The following TRPV4 variants were observed in gnomAD, a reference collection of about 807,000 sequenced individuals.
TRPV4 encodes transient receptor potential cation channel subfamily V member 4.
In TRPV4, 58 loss-of-function variants were observed where a neutral mutation model predicts 84.1. That is an observed-to-expected ratio of 0.69 (90% CI 0.56 to 0.86). The LOEUF is 0.86. Ranked by LOEUF, TRPV4 falls within the 40% of genes least tolerant of loss-of-function variation. The pLI, the probability that TRPV4 is intolerant of heterozygous loss-of-function variation, is 0.00. For synonymous variants in TRPV4, 489 were observed against 500.9 expected, an observed-to-expected ratio of 0.98 and a Z score of 0.32; for missense variants, 879 against 1,181.1, an observed-to-expected ratio of 0.74 and a Z score of 3.75.
In TRPV4 at chr12:109,817,999, C is replaced by A. The variant is rs574569590; in HGVS notation, c.-31-3172G>T. On this transcript the variant is annotated intron_variant, in intron 1 of 15. Coordinates refer to ENST00000261740, the MANE Select transcript of TRPV4 (RefSeq NM_021625.5). ...ACATCTGCCCTGGAAGTAGGTACTG[C>A]GATCGTTCCCATTCTACAGATGAGG... is the stretch of plus-strand genomic sequence containing the variant. 8.3e-4 allele frequency among the ~76,000 whole-genome samples: 127 copies of A among 152,240 alleles called. 1 individual carries two copies. The Middle Eastern group carries it at 0.01, about 12-fold the overall frequency.
chr12:109,815,680 G>C lies in TRPV4; in HGVS notation c.-31-853C>G, dbSNP rs555911661. Among the ~76,000 whole-genome samples, 4 of 152,342 alleles carry C rather than the reference G, an allele frequency of 2.6e-5. No homozygotes were observed. The South Asian group carries it at 8.3e-4, about 32-fold the overall frequency. On this transcript the variant is annotated intron_variant, in intron 1 of 15. Coordinates refer to ENST00000261740, the MANE Select transcript of TRPV4 (RefSeq NM_021625.5). This position sits in a 1 kb window ranked among gnomAD's most constrained non-coding sequence, Gnocchi z 4.1. ...TCCTCTCCTCAGAAGCTTTATCCCAGCTGTTCACGGGATGGTTCGTTCCCA... is the reference window on the plus strand; with the variant it reads ...TCCTCTCCTCAGAAGCTTTATCCCACCTGTTCACGGGATGGTTCGTTCCCA...
Position 109,808,282 on chromosome 12 carries a change from T to C in TRPV4, c.559+14A>G. The C allele has an allele frequency of 1.2e-6, 2 of 1,613,966 alleles. No individual in the cohort carries two copies. Among genetic ancestry groups the C allele is most frequent in the Non-Finnish European group, 1.7e-6 (2 of 1,179,952 alleles). On this transcript the variant is annotated intron_variant, in intron 3 of 15. Coordinates refer to ENST00000261740, the MANE Select transcript of TRPV4 (RefSeq NM_021625.5). ...CTGGCTGTCCCACTGGCTATGCCCA[T>C]CTGGGTGGCTCACCTCGAAACTCCT...
chr12:109,815,299 A>C lies in TRPV4; in HGVS notation c.-31-472T>G, dbSNP rs1486090166. On this transcript the variant is annotated intron_variant, in intron 1 of 15. Coordinates refer to ENST00000261740, the MANE Select transcript of TRPV4 (RefSeq NM_021625.5). This position sits in a 1 kb window ranked among gnomAD's most constrained non-coding sequence, Gnocchi z 4.1. The stretch of plus-strand genomic sequence containing the variant: ...GCCTCATGGACAGAACATGCAGTCC[A>C]GTGGCCAGTGCAGTGCAGTGCCTGG... 6.6e-6 allele frequency among the ~76,000 whole-genome samples: 1 copy of C among 152,268 alleles called. No homozygotes were observed. Among genetic ancestry groups the C allele is most frequent in the African/African-American group, 2.4e-5 (1 of 41,468 alleles).
chr12:109,819,747 C>CA (rs1892017549), intron 1 of TRPV4, among the ~76,000 whole-genome samples: 1 of 152,104 alleles, frequency 6.6e-6, no homozygotes, highest in Non-Finnish European at 1.5e-5. Context: ...ATTTTTAGTA[C>CA]AGACGGGGTT....
rs1889698321 is a variant in TRPV4 at position 109,786,623 on chromosome 12, T to C, written c.2336+87A>G. 2 of 1,557,750 alleles carry C rather than the reference T, an allele frequency of 1.3e-6. No homozygotes were observed. Among genetic ancestry groups the C allele is most frequent in the Non-Finnish European group, 1.7e-6 (2 of 1,144,784 alleles). ...GCCTCAGTGGCTCCAGAAATTGCAA[T>C]GGGTAGACGACGCTGGAGCAGCAGG... On this transcript the variant is annotated intron_variant, in intron 14 of 15. Coordinates refer to ENST00000261740, the MANE Select transcript of TRPV4 (RefSeq NM_021625.5). The surrounding 1 kb of genome is among the most constrained non-coding windows in gnomAD (Gnocchi z 4.5).
rs937611407 is a variant in TRPV4, at chr12:109,783,336, G to A, written c.*285C>T. ...GGGGTCACGTCGCTTCCTGAGAGCA[G>A]AGCAAATAAATAATGGAGAGGCAGG... On this transcript the variant is annotated 3_prime_UTR_variant, in exon 16 of 16. Coordinates refer to ENST00000261740, the MANE Select transcript of TRPV4 (RefSeq NM_021625.5). This position sits in a 1 kb window ranked among gnomAD's most constrained non-coding sequence, Gnocchi z 4.6. 1.6e-4 allele frequency: 69 copies of A among 425,248 alleles called. No individual in the cohort carries two copies. The highest frequency in any genetic ancestry group is 1.7e-4 in the Non-Finnish European group (41 of 237,712). 26.3% of individuals were successfully genotyped at this position (425,248 alleles called of 1,614,324 possible). A position where few individuals can be genotyped will look rare whatever the true frequency, so the allele number is the denominator to read the frequency against.
chr12:109,824,159 T>C (rs1892187450), intron 1 of TRPV4, among the ~76,000 whole-genome samples: 1 of 151,804 alleles, frequency 6.6e-6, no homozygotes, highest in East Asian at 2.0e-4. Flanking sequence ...GAGACGGGGT[T>C]TCACCATGTT....
rs1890496429 is a variant in TRPV4 at position 109,797,728 on chromosome 12, G to A, written c.1152+886C>T. Among the ~76,000 whole-genome samples, 3 of 151,954 alleles carry A rather than the reference G, an allele frequency of 2.0e-5. No homozygotes were observed. The South Asian group carries it at 6.3e-4, about 32-fold the overall frequency. ...TTTATTTTGGTTTTTATTTATTTGG[G>A]ATCTCAAATAATCCAGGCTGGACTT... On this transcript the variant is annotated intron_variant, in intron 6 of 15. Coordinates refer to ENST00000261740, the MANE Select transcript of TRPV4 (RefSeq NM_021625.5).
intron 4 of TRPV4, among the ~76,000 whole-genome samples, chr12:109,801,397 T>G (rs1043395257): frequency 6.6e-6 from 1 of 152,230 alleles, no homozygotes; most frequent in African/African-American, 2.4e-5. Flanking sequence ...GCTGTTTTCA[T>G]GATAGTGAGT....
intron 1 of TRPV4, among the ~76,000 whole-genome samples, chr12:109,825,533 T>C (rs1892227634): frequency 6.6e-6 from 1 of 152,110 alleles, no homozygotes; most frequent in Non-Finnish European, 1.5e-5. Context: ...AGGTCAGAAC[T>C]GGGCAGGCAC....
At chr12:109,806,463 C>T (rs1288722338) in intron 3 of TRPV4, among the ~76,000 whole-genome samples, 1 of 151,392 alleles carries the variant, frequency 6.6e-6, no homozygotes. Context: ...CCTCAGCCTC[C>T]CAAAGTGCTG....
In TRPV4 at chr12:109,814,776, G is replaced by A; in HGVS notation, c.21C>T (p.Gly7=). 6.5e-7 allele frequency: 1 copy of A among 1,547,162 alleles called. No homozygotes were observed. The highest frequency in any genetic ancestry group is 2.4e-5 in the East Asian group (1 of 41,138). MADSSE[G]PRAGPGEVAE... ...CCACCTCCCCGGGCCCCGCGCGGGG[G>A]CCTTCGCTGGAATCCGCCATGCCTG... The change falls in exon 2 of 16, where the codon GGC becomes GGT. Residue 7 remains glycine (G), a synonymous_variant. Transcript: ENST00000261740. This position sits in a 1 kb window ranked among gnomAD's most constrained non-coding sequence, Gnocchi z 5.4.
At chr12:109,806,866 AAAAAAAG>A (rs1239173530) in intron 3 of TRPV4, among the ~76,000 whole-genome samples, 5,899 of 133,330 alleles carry the variant, frequency 0.044, 209 homozygotes, top group African/African-American at 0.1. Flanking sequence ...ATCTCAAAAA[AAAAAAAG>A]AAAAAAAAAA....
intron 13 of TRPV4, among the ~76,000 whole-genome samples, chr12:109,787,917 C>T (rs1011375027): frequency 6.6e-6 from 1 of 152,190 alleles, no homozygotes; most frequent in Non-Finnish European, 1.5e-5. Context: ...CTTTCTGCAG[C>T]TCCCCGGGCC....
intron 12 of TRPV4, among the ~76,000 whole-genome samples, chr12:109,789,889 A>G (rs886764513): frequency 3.3e-5 from 5 of 152,252 alleles, no homozygotes; most frequent in Non-Finnish European, 7.3e-5. Context: ...TGGGAACAGA[A>G]GCATGTGTGT....
chr12:109,785,556 T>A (rs1219469273), intron 14 of TRPV4, among the ~76,000 whole-genome samples: 6 of 151,894 alleles, frequency 4.0e-5, no homozygotes, highest in African/African-American at 1.4e-4. Context: ...GTAGCTGGGA[T>A]TACAGGTGCA....
Position 109,814,208 on chromosome 12 carries a change from G to A in TRPV4, c.386+203C>T, listed in dbSNP as rs1212402533. Among the ~76,000 whole-genome samples, 1 of 151,568 alleles carries A rather than the reference G, an allele frequency of 6.6e-6. No homozygotes were observed. The highest frequency in any genetic ancestry group is 1.5e-5 in the Non-Finnish European group (1 of 67,894). On this transcript the variant is annotated intron_variant, in intron 2 of 15. Transcript: ENST00000261740. This position sits in a 1 kb window ranked among gnomAD's most constrained non-coding sequence, Gnocchi z 5.4. ...TGGTTGGATGGATGGACGAATAGAT[G>A]GGTGGTTGGATGGATGGATGGACGG...
At chr12:109,801,597 G>A (rs563465069) in intron 4 of TRPV4, among the ~76,000 whole-genome samples, 6 of 152,110 alleles carry the variant, frequency 3.9e-5, no homozygotes, top group Non-Finnish European at 8.8e-5. Context: ...AAATTATCCA[G>A]TCTTGGGCAG....
In TRPV4 at chr12:109,783,090, A is replaced by G. The variant is rs1889440759; in HGVS notation, c.*531T>C. On this transcript the variant is annotated 3_prime_UTR_variant, in exon 16 of 16. Coordinates refer to ENST00000261740, the MANE Select transcript of TRPV4 (RefSeq NM_021625.5). The surrounding 1 kb of genome is among the most constrained non-coding windows in gnomAD (Gnocchi z 4.6). ...CCCCTGCCATCATCCTGCCATCTCC[A>G]CCGTCAATGAATAAACATTTATTGA... 1 of 153,856 alleles carries G rather than the reference A, an allele frequency of 6.5e-6. No individual in the cohort carries two copies. Among genetic ancestry groups the G allele is most frequent in the Non-Finnish European group, 1.4e-5 (1 of 69,184 alleles). 9.5% of individuals were successfully genotyped at this position (153,856 alleles called of 1,614,324 possible). A position where few individuals can be genotyped will look rare whatever the true frequency, so the allele number is the denominator to read the frequency against.
Sources: allele counts gnomAD v4.1 joint callset (sites outside exome capture counted in the v4.1 genomes callset), GRCh38; gene constraint gnomAD v4.1.1; non-coding constraint Gnocchi (gnomAD v3.1); transcripts MANE v1.5; gene names NCBI Gene and HGNC (gene_info 2026-07-23, HGNC 2026-07-21).